Variants in HORMAD2 observed in about 807,000 individuals in gnomAD.
HORMAD2 encodes the protein HORMA domain containing 2.
In HORMAD2, 45 loss-of-function variants were observed where a neutral mutation model predicts 38.8. The observed-to-expected ratio is 1.16, with a 90% CI of 0.91 to 1.49. The LOEUF (loss-of-function observed/expected upper bound fraction) is 1.49. HORMAD2 is among the 40% of genes most tolerant of loss of function. The pLI is 0.00. For synonymous variants in HORMAD2, 126 were observed against 122.8 expected (o/e 1.03, Z -0.17); for missense variants, 338 against 367.0 (o/e 0.92, Z 0.65).
At chr22:30,131,611 A>C (rs1923289495) in intron 10 of HORMAD2, among the ~76,000 whole-genome samples, 1 of 152,140 alleles carries the variant, frequency 6.6e-6, no homozygotes, top group African/African-American at 2.4e-5. Context: ...TAAGAGCCAC[A>C]AGTATTTTTA....
downstream of HORMAD2, among the ~76,000 whole-genome samples, chr22:30,180,917 C>CG (rs1926676984): frequency 4.1e-5 from 3 of 73,254 alleles, no homozygotes; most frequent in Admixed American, 3.5e-4. Flanking sequence ...TTCCCTTTCC[C>CG]TTCCCTCTCC....
chr22:30,088,331 T>A (rs866491354), intron 1 of HORMAD2, among the ~76,000 whole-genome samples: 13 of 151,310 alleles, frequency 8.6e-5, no homozygotes, highest in African/African-American at 2.9e-4. Context: ...AATTTAATTT[T>A]ACTTTTATAA....
downstream of HORMAD2, among the ~76,000 whole-genome samples, chr22:30,177,962 G>C (rs1377977843): frequency 6.6e-6 from 1 of 151,956 alleles, no homozygotes; most frequent in Non-Finnish European, 1.5e-5. Flanking sequence ...TTACAGGCAT[G>C]AGCCACCACA....
the HORMAD2 span, among the ~76,000 whole-genome samples, chr22:30,205,004 A>T: frequency 6.6e-6 from 1 of 152,116 alleles, no homozygotes. Flanking sequence ...CGGCTCAAAC[A>T]TGGAAATGTG....
At chr22:30,142,182 G>C (rs1024370162) in intron 10 of HORMAD2, among the ~76,000 whole-genome samples, 1 of 152,174 alleles carries the variant, frequency 6.6e-6, no homozygotes, top group Non-Finnish European at 1.5e-5. Context: ...GAAAGGCTGA[G>C]CTGGGAGAAT....
intron 1 of HORMAD2, among the ~76,000 whole-genome samples, chr22:30,092,897 A>T (rs535608482): frequency 6.6e-6 from 1 of 152,096 alleles, no homozygotes; most frequent in African/African-American, 2.4e-5. Context: ...ATAGCTTTGT[A>T]GTATATTTTA....
chr22:30,168,366 C>G (rs1038115970), intron 10 of HORMAD2, among the ~76,000 whole-genome samples: 8 of 152,240 alleles, frequency 5.3e-5, no homozygotes, highest in Non-Finnish European at 1.2e-4. Flanking sequence ...AAGTAATATC[C>G]TTTCTTTTGT....
At chr22:30,136,857 G>GAT (rs2146168917) in intron 10 of HORMAD2, 1 of 363,088 alleles carries the variant, frequency 2.8e-6, no homozygotes, top group East Asian at 5.5e-5. Context: ...AGGATAAACA[G>GAT]ATAGGCAAGC....
the HORMAD2 span, among the ~76,000 whole-genome samples, chr22:30,183,255 G>C: frequency 2.0e-5 from 3 of 152,220 alleles, no homozygotes; most frequent in Admixed American, 1.3e-4. Context: ...GGGATAATCA[G>C]GGAAACAATT....
intron 5 of HORMAD2, among the ~76,000 whole-genome samples, chr22:30,108,943 T>G (rs1302843708): frequency 6.6e-6 from 1 of 151,510 alleles, no homozygotes; most frequent in Non-Finnish European, 1.5e-5. Flanking sequence ...CCTCCTTCTT[T>G]CCTTCCTTCC....
intron 1 of HORMAD2, among the ~76,000 whole-genome samples, chr22:30,084,450 A>G (rs2068536024): frequency 6.6e-6 from 1 of 152,194 alleles, no homozygotes; most frequent in Non-Finnish European, 1.5e-5. Context: ...CAACACTTGC[A>G]TTGAGGATTA....
chr22:30,126,424 G>C (rs5763790), intron 10 of HORMAD2, among the ~76,000 whole-genome samples: 113,465 of 152,028 alleles, frequency 0.75, 43,658 homozygotes, highest in African/African-American at 0.93. Flanking sequence ...GCCTCGGCCT[G>C]CCAAAGTGCT....
the HORMAD2 span, among the ~76,000 whole-genome samples, chr22:30,196,451 C>T: frequency 6.6e-6 from 1 of 152,216 alleles, no homozygotes; most frequent in African/African-American, 2.4e-5. Flanking sequence ...CGGCACGCCT[C>T]CTATCACCAT....
intron 10 of HORMAD2, among the ~76,000 whole-genome samples, chr22:30,152,702 T>G (rs1198846722): frequency 6.6e-6 from 1 of 152,216 alleles, no homozygotes; most frequent in Non-Finnish European, 1.5e-5. Context: ...TACTTCTCAT[T>G]CTTTTTCCAT....
intron 10 of HORMAD2, among the ~76,000 whole-genome samples, chr22:30,150,255 T>C (rs1924667635): frequency 6.6e-6 from 1 of 152,162 alleles, no homozygotes; most frequent in South Asian, 2.1e-4. Flanking sequence ...TTTGTTGTGT[T>C]CTTGGGGAGA....
At chr22:30,125,532 T>G (rs1273285613) in intron 10 of HORMAD2, among the ~76,000 whole-genome samples, 2 of 152,072 alleles carry the variant, frequency 1.3e-5, no homozygotes, top group Non-Finnish European at 2.9e-5. Flanking sequence ...CTGGCTCATC[T>G]TTCACTTTCT....
rs199922510 is a variant in HORMAD2 at position 30,176,203 on chromosome 22, A to T, written c.*36A>T. 6 of 1,345,984 alleles carry T rather than the reference A, an allele frequency of 4.5e-6. No individual in the cohort carries two copies. The highest frequency in any genetic ancestry group is 2.9e-5 in the African/African-American group (2 of 68,866). The allele number at this position is 1,345,984 out of a possible 1,614,324, so 83.4% of individuals were successfully genotyped here. ...TTCCTTCTACATTTATTTTAAAATAAGTTTATTTTGTAAAAACATGCATAA... is the reference window on the plus strand; with the variant it reads ...TTCCTTCTACATTTATTTTAAAATATGTTTATTTTGTAAAAACATGCATAA... On this transcript the variant is annotated 3_prime_UTR_variant, in exon 11 of 11. Coordinates refer to ENST00000336726, the MANE Select transcript of HORMAD2 (RefSeq NM_152510.4).
chr22:30,154,465 A>G (rs1924944939), intron 10 of HORMAD2, among the ~76,000 whole-genome samples: 1 of 152,196 alleles, frequency 6.6e-6, no homozygotes, highest in South Asian at 2.1e-4. Flanking sequence ...TATATTCACA[A>G]TATAACCATC....
intron 2 of HORMAD2, among the ~76,000 whole-genome samples, chr22:30,096,015 A>G (rs1483458873): frequency 2.6e-5 from 4 of 151,994 alleles, no homozygotes; most frequent in Non-Finnish European, 5.9e-5. Context: ...CTGCTATTGT[A>G]CTTTATATAA....
Sources: gnomAD v4.1 joint callset for allele counts (sites outside exome capture counted in the v4.1 genomes callset) on GRCh38, gnomAD v4.1.1 for gene constraint, MANE v1.5 for transcripts, NCBI Gene and HGNC (gene_info 2026-07-23, HGNC 2026-07-21) for gene names.